Variants in EFCAB6 observed in about 807,000 individuals in gnomAD.
EFCAB6 encodes EF-hand calcium-binding domain-containing protein 6.
Under a neutral mutation model 169.8 loss-of-function variants are expected in EFCAB6, and 156 were observed. That is an observed-to-expected ratio of 0.92 (90% CI 0.81 to 1.05). The LOEUF (loss-of-function observed/expected upper bound fraction) is 1.05, where lower values mean the gene tolerates loss of function less well. Among genes scored for constraint, EFCAB6 ranks in the 50% least tolerant of loss-of-function variants. The pLI is 0.00. For missense variants in EFCAB6, 1,800 were observed against 1,829.1 expected (o/e 0.98, Z 0.29); for synonymous variants, 698 against 676.4 (o/e 1.03, Z -0.50).
At chr22:43,669,155 G>T in intron 15 of EFCAB6, 110 bp from the exon 16 acceptor site, 1 of 966,972 alleles carries the variant, frequency 1.0e-6, no homozygotes, top group Non-Finnish European at 1.4e-6. Flanking sequence ...TTCATCCACT[G>T]CTGGTGGGAA....
intron 15 of EFCAB6, among the ~76,000 whole-genome samples, chr22:43,670,025 G>A (rs1458684609): frequency 6.6e-6 from 1 of 152,090 alleles, no homozygotes; most frequent in African/African-American, 2.4e-5. Flanking sequence ...GTAGGCTTAG[G>A]GTGTAAATGA....
At chr22:43,624,063 T>C (rs1416224713) in intron 20 of EFCAB6, among the ~76,000 whole-genome samples, 1 of 152,108 alleles carries the variant, frequency 6.6e-6, no homozygotes, top group East Asian at 1.9e-4. Flanking sequence ...CCACTGCTCA[T>C]TATCTGTGTC....
chr22:43,537,464 TTC>T lies in EFCAB6; in HGVS notation c.3959_3960del (p.Arg1320AsnfsTer63). 1 of 1,614,122 alleles carries T rather than the reference TTC, an allele frequency of 6.2e-7. No homozygotes were observed. Among genetic ancestry groups the T allele is most frequent in the South Asian group, 1.1e-5 (1 of 91,066 alleles). ...CDPIESRLRK[R>X]IQGCWRQLLK... ...AGGAGCTGGCGCCAGCAGCCCTGGA[TTC>T]TCTTCCGGAGCCTGCTCTCTATGGG... is the stretch of plus-strand genomic sequence containing the variant. On this transcript the variant is annotated frameshift_variant, in exon 29 of 32. Transcript: ENST00000262726. LOFTEE classifies it high-confidence loss of function. The surrounding 1 kb of genome is among the most constrained non-coding windows in gnomAD (Gnocchi z 4.3).
At chr22:43,637,424 C>T (rs1331532642) in intron 17 of EFCAB6, among the ~76,000 whole-genome samples, 1 of 152,264 alleles carries the variant, frequency 6.6e-6, no homozygotes, top group Non-Finnish European at 1.5e-5. Context: ...CTCCCTTTCA[C>T]TGTCTATGTA....
At position 43,632,098 on chromosome 22, in the gene EFCAB6, G is replaced by A. The variant is rs940324492; in HGVS notation, c.2232+7C>T. 3.0e-5 allele frequency: 49 copies of A among 1,613,396 alleles called. No individual in the cohort carries two copies. The highest frequency in any genetic ancestry group is 4.1e-5 in the Non-Finnish European group (48 of 1,179,676). On this transcript the variant is annotated splice_region_variant and intron_variant, in intron 19 of 31. Transcript: ENST00000262726. ...GAGAAGCCCAGCGCCAGACAGTCAC[G>A]GTTTACCCGGAATGACTCCTTCAGC...
intron 24 of EFCAB6, among the ~76,000 whole-genome samples, chr22:43,589,459 TC>T (rs1214962356): frequency 1.3e-5 from 2 of 151,998 alleles, no homozygotes; most frequent in Non-Finnish European, 2.9e-5. Context: ...ACTACGTGAT[TC>T]CTGCCAAAGT....
At chr22:43,731,902 A>T (rs1196625896) in intron 7 of EFCAB6, 91 bp from the exon 8 acceptor site, 1 of 610,172 alleles carries the variant, frequency 1.6e-6, no homozygotes, top group African/African-American at 1.9e-5. Context: ...TCGGGCTGGC[A>T]TTAATTTTAA....
rs117462097 is a variant in EFCAB6 at position 43,694,453 on chromosome 22, C to T, written c.1032-6872G>A. On this transcript the variant is annotated intron_variant, in intron 10 of 31. Coordinates refer to ENST00000262726, the MANE Select transcript of EFCAB6 (RefSeq NM_022785.4). ...AGGAAACATTTCCCAACACATGTCC[C>T]AAGGTCACTGTTACTCTGATCCCAA... Among the ~76,000 whole-genome samples, 724 of 152,064 alleles carry T rather than the reference C, an allele frequency of 4.8e-3. 4 individuals are homozygous for T. Among genetic ancestry groups the T allele is most frequent in the Non-Finnish European group, 7.6e-3 (513 of 67,894 alleles).
At chr22:43,597,783 T>C (rs568513567) in intron 23 of EFCAB6, among the ~76,000 whole-genome samples, 77 of 152,322 alleles carry the variant, frequency 5.1e-4, no homozygotes, top group African/African-American at 1.9e-3. Flanking sequence ...CATTTCCATG[T>C]TTATTGCAGC....
intron 15 of EFCAB6, among the ~76,000 whole-genome samples, chr22:43,670,513 T>C (rs2057443155): frequency 6.6e-6 from 1 of 152,372 alleles, no homozygotes; most frequent in South Asian, 2.1e-4. Context: ...TCTGTGTATA[T>C]GTGCTTAATA....
intron 2 of EFCAB6, among the ~76,000 whole-genome samples, chr22:43,789,884 A>C (rs981979088): frequency 2.4e-4 from 26 of 107,936 alleles, no homozygotes; most frequent in East Asian, 4.7e-4. Flanking sequence ...CACACACACA[A>C]AAGTCTTCCT....
intron 26 of EFCAB6, among the ~76,000 whole-genome samples, chr22:43,560,480 T>C (rs1214288917): frequency 6.6e-6 from 1 of 152,142 alleles, no homozygotes; most frequent in East Asian, 1.9e-4. Context: ...TGTTATAGCA[T>C]TATAAAAGTG....
At position 43,788,941 on chromosome 22, in the gene EFCAB6, C is replaced by G. The variant is rs560993645; in HGVS notation, c.-7-6616G>C. 9.2e-5 allele frequency among the ~76,000 whole-genome samples: 14 copies of G among 152,308 alleles called. No individual in the cohort carries two copies. In the South Asian group the frequency reaches 1.9e-3, roughly 20 times the overall value. On this transcript the variant is annotated intron_variant, in intron 2 of 31. Coordinates refer to ENST00000262726, the MANE Select transcript of EFCAB6 (RefSeq NM_022785.4). Reference sequence around the variant, plus strand: ...TCCAGATTCATGCAGTAACATGGATCAACCTTGAAAACATTATGCTAAGGC... The same window carrying G: ...TCCAGATTCATGCAGTAACATGGATGAACCTTGAAAACATTATGCTAAGGC...
At chr22:43,703,031 CTAGAG>C (rs989307200) in intron 10 of EFCAB6, among the ~76,000 whole-genome samples, 4 of 152,186 alleles carry the variant, frequency 2.6e-5, no homozygotes, top group Non-Finnish European at 5.9e-5. Flanking sequence ...TGCATTTCTA[CTAGAG>C]TAAAGTGTCA....
chr22:43,661,923 C>T (rs1000571790), intron 17 of EFCAB6, among the ~76,000 whole-genome samples: 1 of 152,086 alleles, frequency 6.6e-6, no homozygotes, highest in African/African-American at 2.4e-5. Flanking sequence ...TCGCGACCAG[C>T]CTGACCAATA....
chr22:43,640,616 T>A (rs1394491027), intron 17 of EFCAB6, among the ~76,000 whole-genome samples: 1 of 152,176 alleles, frequency 6.6e-6, no homozygotes, highest in Non-Finnish European at 1.5e-5. Flanking sequence ...CTCTGGTTCT[T>A]CAAGCCAGAA....
intron 25 of EFCAB6, among the ~76,000 whole-genome samples, chr22:43,579,319 T>TCTACACGCAGGTATCATTCC (rs1288629955): frequency 3.3e-5 from 4 of 122,704 alleles, no homozygotes; most frequent in African/African-American, 6.5e-5. Flanking sequence ...GGCATCATTC[T>TCTACACGCAGGTATCATTCC]CTACACGCAG....
At chr22:43,573,732 CAAA>C (rs748024357) in intron 26 of EFCAB6, among the ~76,000 whole-genome samples, 33 of 85,286 alleles carry the variant, frequency 3.9e-4, no homozygotes, top group South Asian at 2.9e-3. Flanking sequence ...TCTGTCTCAA[CAAA>C]AAAAAAAAAA....
intron 30 of EFCAB6, chr22:43,532,062 A>G (rs1215498315): frequency 1.3e-5 from 2 of 152,342 alleles, no homozygotes; most frequent in African/African-American, 4.8e-5. Flanking sequence ...GGCTGTGACC[A>G]GGACCATGTC....
Sources: gnomAD v4.1 joint callset for allele counts (sites outside exome capture counted in the v4.1 genomes callset) on GRCh38, gnomAD v4.1.1 for gene constraint, Gnocchi (gnomAD v3.1) non-coding constraint, MANE v1.5 for transcripts, NCBI Gene and HGNC (gene_info 2026-07-23, HGNC 2026-07-21) for gene names.